Variants in C1QL4 observed in about 807,000 individuals in gnomAD.
C1QL4 encodes the protein complement C1q-like protein 4.
Under a neutral mutation model 13.4 loss-of-function variants are expected in C1QL4, and 5 were observed. That is an observed-to-expected ratio of 0.37 (90% confidence interval 0.19 to 0.78). C1QL4 has a LOEUF of 0.78. Ranked by LOEUF, C1QL4 falls within the 30% of genes least tolerant of loss-of-function variation. The probability of loss-of-function intolerance (pLI) is 0.47; values close to 1 mark genes in which losing one functional copy is unlikely to be tolerated. For synonymous variants in C1QL4, 168 were observed against 153.9 expected (o/e 1.09, Z -0.68); for missense variants, 367 against 361.6 (o/e 1.01, Z -0.12).
In C1QL4 at chr12:49,336,479, G is replaced by A. The variant is rs1291196949; in HGVS notation, c.-2C>T. ...GGCCACCAGCAGCAGCAGCACCATGGCCACTCCGACGGCCGCGCCCGCCAC... is the reference window on the plus strand; with the variant it reads ...GGCCACCAGCAGCAGCAGCACCATGACCACTCCGACGGCCGCGCCCGCCAC... On this transcript the variant is annotated 5_prime_UTR_variant, in exon 1 of 2. Coordinates refer to ENST00000334221, the MANE Select transcript of C1QL4 (RefSeq NM_001008223.2). The surrounding 1 kb of genome is among the most constrained non-coding windows in gnomAD (Gnocchi z 7.7). The A allele has an allele frequency of 2.6e-6, 4 of 1,514,014 alleles. No individual in the cohort carries two copies. The Admixed American group carries it at 6.6e-5, about 25-fold the overall frequency. 93.8% of individuals were successfully genotyped at this position (1,514,014 alleles called of 1,614,324 possible).
In C1QL4 at chr12:49,333,108, G is replaced by T; in HGVS notation, c.663C>A (p.Gly221=). 1 of 1,614,098 alleles carries T rather than the reference G, an allele frequency of 6.2e-7. No homozygotes were observed. The highest frequency in any genetic ancestry group is 8.5e-7 in the Non-Finnish European group (1 of 1,179,968). ...FIKLDGGKVH[G]GNTNKYSTFS... is the part of the protein sequence containing the mutation. ...AGGTGCTGTACTTGTTGGTGTTGCC[G>T]CCGTGCACTTTCCCGCCGTCCAGCT... Residue 221 remains glycine, a synonymous_variant, in exon 2 of 2, where the codon GGC becomes GGA. Transcript: ENST00000334221.
At position 49,332,668 on chromosome 12, in the gene C1QL4, G is replaced by T. The variant is rs949024144; in HGVS notation, c.*386C>A. 1 of 185,018 alleles carries T rather than the reference G, an allele frequency of 5.4e-6. No homozygotes were observed. Among genetic ancestry groups the T allele is most frequent in the African/African-American group, 2.4e-5 (1 of 42,300 alleles). The allele number at this position is 185,018 out of a possible 1,614,324, so 11.5% of individuals were successfully genotyped here. On this transcript the variant is annotated 3_prime_UTR_variant, in exon 2 of 2. Coordinates refer to ENST00000334221, the MANE Select transcript of C1QL4 (RefSeq NM_001008223.2). Reference sequence around the variant, plus strand: ...TTAATGTCTTCTCTTGCCTAAATGGGCTCCTCCTGTTTCTGTTATTTCCCT... The same window carrying T: ...TTAATGTCTTCTCTTGCCTAAATGGTCTCCTCCTGTTTCTGTTATTTCCCT...
rs1322336243 is a variant in C1QL4 at position 49,336,202 on chromosome 12, A to G, written c.276T>C (p.Pro92=). 2 of 1,561,224 alleles carry G rather than the reference A, an allele frequency of 1.3e-6. No homozygotes were observed. The highest frequency in any genetic ancestry group is 1.9e-5 in the Admixed American group (1 of 53,716). Residue 92 remains proline, a synonymous_variant, in exon 1 of 2, where the codon CCT becomes CCC. Coordinates refer to ENST00000334221, the MANE Select transcript of C1QL4 (RefSeq NM_001008223.2). This position sits in a 1 kb window ranked among gnomAD's most constrained non-coding sequence, Gnocchi z 7.7. ...GEPGRPGPPG[P]PGPGPGGVAP... ...CCACCCCGCCCGGACCTGGACCGGG[A>G]GGGCCCGGGGGGCCTGGCCTGCCGG... is the stretch of plus-strand genomic sequence containing the variant.
chr12:49,333,922 G>A (rs560715153), intron 1 of C1QL4, among the ~76,000 whole-genome samples: 6 of 151,838 alleles, frequency 4.0e-5, no homozygotes, highest in Non-Finnish European at 5.9e-5. Context: ...GGCCAGGCGC[G>A]GTGGCTCATA....
intron 1 of C1QL4, 43 bp downstream of exon 1, chr12:49,335,898 A>C (rs1943626625): frequency 1.3e-6 from 2 of 1,566,124 alleles, no homozygotes; most frequent in Non-Finnish European, 1.7e-6. Flanking sequence ...GGAGATCTAG[A>C]GAGCGACCAG....
chr12:49,334,233 A>C (rs1043065372), intron 1 of C1QL4, among the ~76,000 whole-genome samples: 3 of 152,210 alleles, frequency 2.0e-5, no homozygotes, highest in African/African-American at 7.2e-5. Flanking sequence ...CTATAGGATA[A>C]TTTCTAAAAT....
chr12:49,334,181 G>A (rs938816026), intron 1 of C1QL4, among the ~76,000 whole-genome samples: 9 of 152,120 alleles, frequency 5.9e-5, no homozygotes, highest in South Asian at 2.1e-4. Flanking sequence ...CAACAAGAGC[G>A]AAACTGTCTC....
At chr12:49,334,448 C>T (rs1392519275) in intron 1 of C1QL4, among the ~76,000 whole-genome samples, 1 of 152,248 alleles carries the variant, frequency 6.6e-6, no homozygotes, top group African/African-American at 2.4e-5. Context: ...ACAGGGAGCA[C>T]TTCCTCCCCT....
chr12:49,333,343 G>A (rs1187953262), intron 1 of C1QL4, 110 bp from the exon 2 acceptor site: 2 of 1,058,730 alleles, frequency 1.9e-6, no homozygotes, highest in East Asian at 5.2e-5. Flanking sequence ...AGGGGCTGGG[G>A]AGGACCAGGG....
At position 49,333,156 on chromosome 12, in the gene C1QL4, G is replaced by A; in HGVS notation, c.615C>T (p.Asp205=). The A allele has an allele frequency of 6.2e-7, 1 of 1,614,156 alleles. No individual in the cohort carries two copies. Among genetic ancestry groups the A allele is most frequent in the Non-Finnish European group, 8.5e-7 (1 of 1,180,006 alleles). Reference sequence around the variant, plus strand: ...GCTTGATGAAGACCTCGTCGCCCACGTCCAGGTGCAGAATGACGCTGTTGC... The same window carrying A: ...GCTTGATGAAGACCTCGTCGCCCACATCCAGGTGCAGAATGACGCTGTTGC... ...YASNSVILHL[D]VGDEVFIKLD... Residue 205 remains aspartate (D), a synonymous_variant, in exon 2 of 2, where the codon GAC becomes GAT. Coordinates refer to ENST00000334221, the MANE Select transcript of C1QL4 (RefSeq NM_001008223.2).
intron 1 of C1QL4, 115 bp downstream of exon 1, chr12:49,335,822 GCCTC>G: frequency 7.9e-7 from 1 of 1,272,720 alleles, no homozygotes. Context: ...GTTCTTGGCA[GCCTC>G]GCGTTCCTGG....
At position 49,336,152 on chromosome 12, in the gene C1QL4, C is replaced by T. The variant is rs750693181; in HGVS notation, c.326G>A (p.Arg109His). Residue 109 changes from arginine (R) to histidine (H), a missense_variant, in exon 1 of 2, where the codon CGC (arginine) becomes CAC (histidine). Physicochemically the swap from Arg to His is conservative, Grantham distance 29 (BLOSUM62 0). Transcript: ENST00000334221. The surrounding 1 kb of genome is among the most constrained non-coding windows in gnomAD (Gnocchi z 7.7). ...CCGCAGGCCCGCGTAGAAAGCAATG[C>T]GAGGCACGTAGCCGGCAGCGGGCGC... ...GVAPAAGYVP[R>H]IAFYAGLRRP... The T allele has an allele frequency of 1.2e-6, 2 of 1,606,946 alleles. No individual in the cohort carries two copies. Among genetic ancestry groups the T allele is most frequent in the Non-Finnish European group, 1.7e-6 (2 of 1,176,924 alleles).
chr12:49,332,989 G>A lies in C1QL4; in HGVS notation c.*65C>T. 1 of 1,475,344 alleles carries A rather than the reference G, an allele frequency of 6.8e-7. No homozygotes were observed. Among genetic ancestry groups the A allele is most frequent in the South Asian group, 1.3e-5 (1 of 75,736 alleles). The allele number at this position is 1,475,344 out of a possible 1,614,324, so 91.4% of individuals were successfully genotyped here. A position where few individuals can be genotyped will look rare whatever the true frequency, so the allele number is the denominator to read the frequency against. On this transcript the variant is annotated 3_prime_UTR_variant, in exon 2 of 2. Transcript: ENST00000334221. ...AAAGGGTGGGGTGGCGCCTCGGGTG[G>A]GGCGGGCAGGAGGTGGGTGAGGACG...
At chr12:49,335,371 T>G (rs1943623658) in intron 1 of C1QL4, among the ~76,000 whole-genome samples, 1 of 152,252 alleles carries the variant, frequency 6.6e-6, no homozygotes, top group African/African-American at 2.4e-5. Context: ...ACAGAACAGC[T>G]GATCGGCAGG....
chr12:49,333,548 T>TC (rs1943608598), intron 1 of C1QL4, among the ~76,000 whole-genome samples: 1 of 151,714 alleles, frequency 6.6e-6, no homozygotes, highest in Non-Finnish European at 1.5e-5. Context: ...GTTTGCTTTT[T>TC]TTTTTTTTTT....
Position 49,336,806 on chromosome 12 carries a change from A to C in C1QL4, c.-329T>G. ...CTCTAGTACCCTCCCGTTCAGTCCTAACGATCCTGGGCACCTGAGATCCGC... is the reference window on the plus strand; with the variant it reads ...CTCTAGTACCCTCCCGTTCAGTCCTCACGATCCTGGGCACCTGAGATCCGC... On this transcript the variant is annotated 5_prime_UTR_variant, in exon 1 of 2. Transcript: ENST00000334221. The surrounding 1 kb of genome is among the most constrained non-coding windows in gnomAD (Gnocchi z 7.7). The C allele has an allele frequency of 3.4e-6, 1 of 297,684 alleles. No homozygotes were observed. The highest frequency in any genetic ancestry group is 6.2e-6 in the Non-Finnish European group (1 of 160,738). 18.4% of individuals were successfully genotyped at this position (297,684 alleles called of 1,614,324 possible).
rs1035832981 is a variant in C1QL4, at chr12:49,335,809, A to G, written c.537+132T>C. 5 of 1,153,846 alleles carry G rather than the reference A, an allele frequency of 4.3e-6. No individual in the cohort carries two copies. In the African/African-American group the frequency reaches 6.2e-5, roughly 14 times the overall value. 71.5% of individuals were successfully genotyped at this position (1,153,846 alleles called of 1,614,324 possible). A position where few individuals can be genotyped will look rare whatever the true frequency, so the allele number is the denominator to read the frequency against. On this transcript the variant is annotated intron_variant, in intron 1 of 1. Transcript: ENST00000334221. ...CCTCTGTGGGTAAATGAAGTCATCT[A>G]TCGTTCTTGGCAGCCTCGCGTTCCT...
At position 49,337,120 on chromosome 12, in the gene C1QL4, T is replaced by C. The variant is rs1943640225; in HGVS notation, c.-643A>G. ...CTGCTAGAGCCCTGGCCCGCGCCTC[T>C]CTCCTGCGGGCGCGGTCCCTCTCCG... On this transcript the variant is annotated 5_prime_UTR_variant, in exon 1 of 2. Transcript: ENST00000334221. 6.6e-6 allele frequency: 1 copy of C among 152,148 alleles called. No homozygotes were observed. Among genetic ancestry groups the C allele is most frequent in the African/African-American group, 2.4e-5 (1 of 41,414 alleles). 9.4% of individuals were successfully genotyped at this position (152,148 alleles called of 1,614,324 possible). A position where few individuals can be genotyped will look rare whatever the true frequency, so the allele number is the denominator to read the frequency against.
At chr12:49,334,950 C>G (rs1044038228) in intron 1 of C1QL4, among the ~76,000 whole-genome samples, 18 of 152,172 alleles carry the variant, frequency 1.2e-4, no homozygotes, top group African/African-American at 3.6e-4. Flanking sequence ...GCCACCACCC[C>G]CTTCATGCTG....
Sources: gnomAD v4.1 joint callset for allele counts (sites outside exome capture counted in the v4.1 genomes callset) on GRCh38, gnomAD v4.1.1 for gene constraint, Gnocchi (gnomAD v3.1) non-coding constraint, MANE v1.5 for transcripts, NCBI Gene and HGNC (gene_info 2026-07-23, HGNC 2026-07-21) for gene names.